Variants in SNX6 observed in about 807,000 individuals in gnomAD.
SNX6 encodes sorting nexin-6.
Under a neutral mutation model 63.0 loss-of-function variants are expected in SNX6, and 34 were observed. The ratio of observed to expected loss-of-function variants is 0.54; its 90% CI spans 0.41 to 0.72. The LOEUF is 0.72. Among genes scored for constraint, SNX6 ranks in the 30% least tolerant of loss-of-function variants. SNX6 has a pLI of 0.00. For missense variants in SNX6, 398 were observed against 471.4 expected (o/e 0.84, Z 1.44); for synonymous variants, 170 against 164.2 (o/e 1.04, Z -0.27).
At chr14:34,573,082 A>C (rs1340041531) in intron 11 of SNX6, among the ~76,000 whole-genome samples, 1 of 152,100 alleles carries the variant, frequency 6.6e-6, no homozygotes, top group Non-Finnish European at 1.5e-5. Context: ...CCTGGGCTCA[A>C]GCAATCCTCC....
Position 34,625,743 on chromosome 14 carries a change from T to A in SNX6, c.54+4164A>T, listed in dbSNP as rs551494955. Among the ~76,000 whole-genome samples the A allele has an allele frequency of 1.1e-3, 166 of 149,838 alleles. 2 individuals are homozygous for A. The highest frequency in any genetic ancestry group is 7.7e-3 in the South Asian group (36 of 4,682). ...GCGAGACCCTGTCTCAAAAAAAATT[T>A]AAAAAAAAAATGCAGTTATCTGCCC... On this transcript the variant is annotated intron_variant, in intron 2 of 13. Coordinates refer to ENST00000362031, the MANE Select transcript of SNX6 (RefSeq NM_152233.4).
chr14:34,568,985 A>G, intron 11 of SNX6: 1 of 1,454,218 alleles, frequency 6.9e-7, no homozygotes, highest in Non-Finnish European at 9.6e-7. Context: ...TTCTCATCGT[A>G]GGGAGCAAGC....
chr14:34,564,643 C>CA (rs1315437422), intron 13 of SNX6, among the ~76,000 whole-genome samples: 1 of 151,978 alleles, frequency 6.6e-6, no homozygotes, highest in Non-Finnish European at 1.5e-5. Context: ...GCCTGGCCAA[C>CA]ATGGTGAAAC....
At chr14:34,596,630 AAAAG>A (rs1882612635) in intron 7 of SNX6, among the ~76,000 whole-genome samples, 1 of 151,088 alleles carries the variant, frequency 6.6e-6, no homozygotes, top group Non-Finnish European at 1.5e-5. Flanking sequence ...GGAAAAAAAA[AAAAG>A]AGAGAGAGAG....
intron 11 of SNX6, chr14:34,568,957 G>T: frequency 7.2e-7 from 1 of 1,382,476 alleles, no homozygotes; most frequent in Non-Finnish European, 1.0e-6. Flanking sequence ...TGTGGAAGCA[G>T]CTCGCGTGTA....
chr14:34,586,414 A>T, intron 8 of SNX6, 109 bp from the exon 9 acceptor site: 6 of 593,684 alleles, frequency 1.0e-5, no homozygotes, highest in Non-Finnish European at 1.7e-5. Flanking sequence ...TAGTAAAGAA[A>T]ATAACGCAAG....
At chr14:34,573,583 A>C (rs1594698144) in intron 11 of SNX6, among the ~76,000 whole-genome samples, 1 of 152,024 alleles carries the variant, frequency 6.6e-6, no homozygotes, top group Non-Finnish European at 1.5e-5. Context: ...TTAAAAAAAA[A>C]ACAAATTGTT....
chr14:34,629,154 A>G (rs1883941238), intron 2 of SNX6, among the ~76,000 whole-genome samples: 1 of 151,700 alleles, frequency 6.6e-6, no homozygotes, highest in African/African-American at 2.4e-5. Context: ...AAAAAATGGT[A>G]ACTAGGTGAG....
chr14:34,585,346 C>G (rs1298725114), intron 9 of SNX6, among the ~76,000 whole-genome samples: 1 of 151,842 alleles, frequency 6.6e-6, no homozygotes, highest in Non-Finnish European at 1.5e-5. Context: ...ATGGTGAAAC[C>G]CCATCTCTAC....
In SNX6 at chr14:34,590,849, ATAAT is replaced by A. The variant is rs1223430669; in HGVS notation, c.718+2192_718+2195del. Among the ~76,000 whole-genome samples the A allele has an allele frequency of 2.0e-5, 3 of 152,350 alleles. No homozygotes were observed. The East Asian group carries it at 5.8e-4, about 29-fold the overall frequency. On this transcript the variant is annotated intron_variant, in intron 8 of 13. Transcript: ENST00000362031. The stretch of plus-strand genomic sequence containing the variant: ...CTGTAATAGCCAAAGCTAGAAATAA[ATAAT>A]TGTTGTATATCCATTCAATGGAACA...
chr14:34,575,866 T>C, intron 10 of SNX6, 24 bp from the exon 11 acceptor site: 1 of 1,381,080 alleles, frequency 7.2e-7, no homozygotes, highest in Non-Finnish European at 1.0e-6. Context: ...AAAAATTGAA[T>C]ATTTAATCAA....
In SNX6 at chr14:34,567,669, CTT is replaced by C. The variant is rs1308606510; in HGVS notation, c.1167+15_1167+16del. ...TTACATGTAACTTAAATTATTAAAT[CTT>C]TATTACAACACTACCTTTGCATGCT... is the stretch of plus-strand genomic sequence containing the variant. On this transcript the variant is annotated intron_variant, in intron 13 of 13. Transcript: ENST00000362031. 1.3e-6 allele frequency: 2 copies of C among 1,589,930 alleles called. No individual in the cohort carries two copies. The highest frequency in any genetic ancestry group is 2.2e-5 in the South Asian group (2 of 89,868).
At chr14:34,619,352 G>A (rs1186383306) in intron 2 of SNX6, among the ~76,000 whole-genome samples, 1 of 152,002 alleles carries the variant, frequency 6.6e-6, no homozygotes, top group Non-Finnish European at 1.5e-5. Flanking sequence ...AACCCAGGAG[G>A]TGGAGGTTGC....
chr14:34,566,971 T>TCC (rs1424046834), intron 13 of SNX6, among the ~76,000 whole-genome samples: 3 of 152,080 alleles, frequency 2.0e-5, no homozygotes, highest in Non-Finnish European at 4.4e-5. Context: ...GCCTGTAATC[T>TCC]CAGCACTACG....
chr14:34,627,019 T>A (rs188430158), intron 2 of SNX6, among the ~76,000 whole-genome samples: 132 of 152,302 alleles, frequency 8.7e-4, no homozygotes, highest in Admixed American at 1.6e-3. Context: ...AATACAATTT[T>A]AAAAATTTTT....
chr14:34,598,462 G>C (rs970861826), intron 6 of SNX6, among the ~76,000 whole-genome samples: 1 of 152,140 alleles, frequency 6.6e-6, no homozygotes, highest in African/African-American at 2.4e-5. Flanking sequence ...CGTGATCTTG[G>C]CTCACTGCAA....
chr14:34,629,843 C>T (rs1315504612), intron 2 of SNX6, 64 bp downstream of exon 2: 3 of 1,546,798 alleles, frequency 1.9e-6, no homozygotes, highest in Non-Finnish European at 1.7e-6. Flanking sequence ...CGTACCACAC[C>T]CGGGGACCCA....
intron 2 of SNX6, among the ~76,000 whole-genome samples, chr14:34,612,059 G>T (rs999210984): frequency 6.6e-6 from 1 of 152,168 alleles, no homozygotes; most frequent in Non-Finnish European, 1.5e-5. Context: ...GATTACAGGC[G>T]TGAGCCACCG....
chr14:34,582,119 G>A (rs1881963061), intron 9 of SNX6, among the ~76,000 whole-genome samples: 1 of 148,000 alleles, frequency 6.8e-6, no homozygotes, highest in South Asian at 2.1e-4. Context: ...GAGCCACCAC[G>A]CCCGGCCCTG....
Sources: allele counts gnomAD v4.1 joint callset (sites outside exome capture counted in the v4.1 genomes callset), GRCh38; gene constraint gnomAD v4.1.1; transcripts MANE v1.5; gene names NCBI Gene and HGNC (gene_info 2026-07-23, HGNC 2026-07-21).